PACSIN1: variants seen among roughly 807,000 people sequenced by gnomAD.
The protein encoded by PACSIN1 is protein kinase C and casein kinase substrate in neurons 1, also known as protein kinase C and casein kinase substrate in neurons protein 1.
A neutral mutation model predicts 59.5 loss-of-function variants in PACSIN1; 15 were observed. The ratio of observed to expected loss-of-function variants is 0.25; its 90% CI spans 0.17 to 0.39. PACSIN1 has a LOEUF of 0.39. PACSIN1 is among the 10% of genes least tolerant of loss of function. The probability of loss-of-function intolerance (pLI) is 1.00; values close to 1 mark genes in which losing one functional copy is unlikely to be tolerated. For synonymous variants in PACSIN1, 210 were observed against 220.6 expected, an observed-to-expected ratio of 0.95 and a Z score of 0.42; for missense variants, 420 against 580.2, an observed-to-expected ratio of 0.72 and a Z score of 2.84.
At chr6:34,502,434 A>G (rs1197258440) in intron 1 of PACSIN1, among the ~76,000 whole-genome samples, 1 of 148,914 alleles carries the variant, frequency 6.7e-6, no homozygotes, top group Non-Finnish European at 1.5e-5. Flanking sequence ...CCAGCTGAGG[A>G]TAAGTCATGT....
chr6:34,522,393 A>C (rs1767409413), intron 1 of PACSIN1, among the ~76,000 whole-genome samples: 1 of 152,248 alleles, frequency 6.6e-6, no homozygotes, highest in African/African-American at 2.4e-5. Context: ...AGTGATAGCC[A>C]ATGTTAATGT....
At chr6:34,480,627 C>A (rs1330014340) in intron 1 of PACSIN1, among the ~76,000 whole-genome samples, 3 of 151,530 alleles carry the variant, frequency 2.0e-5, no homozygotes, top group Admixed American at 2.0e-4. Context: ...TTTGTGTCTA[C>A]TGTGAAAAGT....
intron 3 of PACSIN1, among the ~76,000 whole-genome samples, chr6:34,528,026 C>T (rs1397840149): frequency 6.6e-6 from 1 of 152,238 alleles, no homozygotes; most frequent in Admixed American, 6.5e-5. Flanking sequence ...CGCACATTGC[C>T]TCTATGCATT....
At position 34,516,413 on chromosome 6, in the gene PACSIN1, T is replaced by C. The variant is rs756142625; in HGVS notation, c.-63-9830T>C. ...GGGGATGGCAGAAACGGGATGCAGA[T>C]TCGCCTGTGCGCACTGACACTGCCT... On this transcript the variant is annotated intron_variant, in intron 1 of 9. Transcript: ENST00000244458. This position sits in a 1 kb window ranked among gnomAD's most constrained non-coding sequence, Gnocchi z 5.4. 2.0e-5 allele frequency among the ~76,000 whole-genome samples: 3 copies of C among 152,172 alleles called. No individual in the cohort carries two copies. The highest frequency in any genetic ancestry group is 4.4e-5 in the Non-Finnish European group (3 of 68,014).
chr6:34,526,779 G>T (rs1005627284), intron 2 of PACSIN1, among the ~76,000 whole-genome samples: 1 of 152,228 alleles, frequency 6.6e-6, no homozygotes, highest in African/African-American at 2.4e-5. Context: ...GGGCCGCAGA[G>T]CGGGAGGCAC....
intron 1 of PACSIN1, among the ~76,000 whole-genome samples, chr6:34,499,934 T>C (rs1295201393): frequency 6.6e-6 from 1 of 152,172 alleles, no homozygotes; most frequent in African/African-American, 2.4e-5. Flanking sequence ...AATTTAAAAC[T>C]TTTGTACATC....
intron 1 of PACSIN1, among the ~76,000 whole-genome samples, chr6:34,505,507 G>A (rs534967364): frequency 5.4e-4 from 78 of 145,096 alleles, no homozygotes; most frequent in Non-Finnish European, 8.7e-4. Flanking sequence ...ACAGGTTCCT[G>A]AGGTTCTGTC....
At chr6:34,504,355 G>A (rs1291522323) in intron 1 of PACSIN1, among the ~76,000 whole-genome samples, 3 of 148,858 alleles carry the variant, frequency 2.0e-5, no homozygotes, top group South Asian at 4.2e-4. Flanking sequence ...GCAGTGGTGC[G>A]ATCTAGGCTC....
chr6:34,531,340 C>T lies in PACSIN1; in HGVS notation c.1038-260C>T, dbSNP rs142784358. Among the ~76,000 whole-genome samples, 99 of 152,322 alleles carry T rather than the reference C, an allele frequency of 6.5e-4. No homozygotes were observed. Among genetic ancestry groups the T allele is most frequent in the African/African-American group, 2.2e-3 (91 of 41,558 alleles). On this transcript the variant is annotated intron_variant, in intron 8 of 9. Coordinates refer to ENST00000244458, the MANE Select transcript of PACSIN1 (RefSeq NM_020804.5). The surrounding 1 kb of genome is among the most constrained non-coding windows in gnomAD (Gnocchi z 4.4). ...CCTTGCTCTTAAACATTAGGTGGTACTCCTCCTCCCGGATGAAGGCTCAGA... is the reference window on the plus strand; with the variant it reads ...CCTTGCTCTTAAACATTAGGTGGTATTCCTCCTCCCGGATGAAGGCTCAGA...
At chr6:34,528,918 C>T (rs761691957) in intron 4 of PACSIN1, 41 bp downstream of exon 4, 10 of 1,364,458 alleles carry the variant, frequency 7.3e-6, no homozygotes, top group African/African-American at 4.3e-5. Flanking sequence ...GGGGTGGGCC[C>T]GTCTGATCAG....
chr6:34,487,507 G>T (rs559693808), intron 1 of PACSIN1, among the ~76,000 whole-genome samples: 2 of 152,298 alleles, frequency 1.3e-5, no homozygotes, highest in South Asian at 4.1e-4. Context: ...AATACTCTGA[G>T]CTGAAGGTTT....
chr6:34,476,819 T>G (rs377414610), intron 1 of PACSIN1, among the ~76,000 whole-genome samples: 6 of 152,290 alleles, frequency 3.9e-5, no homozygotes, highest in African/African-American at 1.4e-4. Context: ...GACTTCCTAC[T>G]TTCCTGCCAA....
chr6:34,478,073 T>C (rs1766663423), intron 1 of PACSIN1, among the ~76,000 whole-genome samples: 1 of 149,244 alleles, frequency 6.7e-6, no homozygotes, highest in Non-Finnish European at 1.5e-5. Context: ...TTTTTTTTTT[T>C]TTTTGAGACA....
At position 34,525,991 on chromosome 6, in the gene PACSIN1, G is replaced by A. The variant is rs910928962; in HGVS notation, c.-63-252G>A. Among the ~76,000 whole-genome samples, 7 of 152,060 alleles carry A rather than the reference G, an allele frequency of 4.6e-5. No individual in the cohort carries two copies. The highest frequency in any genetic ancestry group is 1.3e-4 in the Admixed American group (2 of 15,280). ...TGGGGGCTGGGGCTGGCTTCTGAAC[G>A]GAGGTGCTCATACTGGATAGAGGAT... On this transcript the variant is annotated intron_variant, in intron 1 of 9. Coordinates refer to ENST00000244458, the MANE Select transcript of PACSIN1 (RefSeq NM_020804.5). This position sits in a 1 kb window ranked among gnomAD's most constrained non-coding sequence, Gnocchi z 4.9.
chr6:34,486,441 G>A (rs1301270481), intron 1 of PACSIN1, among the ~76,000 whole-genome samples: 6 of 152,094 alleles, frequency 3.9e-5, no homozygotes, highest in Non-Finnish European at 5.9e-5. Context: ...AGGTTTGAAC[G>A]GGGCCTGGAG....
At chr6:34,471,354 T>C (rs1002743793) in intron 1 of PACSIN1, among the ~76,000 whole-genome samples, 2 of 152,216 alleles carry the variant, frequency 1.3e-5, no homozygotes, top group African/African-American at 2.4e-5. Flanking sequence ...AATCAATAGA[T>C]ACTTGTTTGA....
Position 34,532,296 on chromosome 6 carries a change from G to C in PACSIN1, c.1226-125G>C, listed in dbSNP as rs1671679396. 7 of 662,552 alleles carry C rather than the reference G, an allele frequency of 1.1e-5. No individual in the cohort carries two copies. In the Middle Eastern group the frequency reaches 2.1e-3, roughly 195 times the overall value. The allele number at this position is 662,552 out of a possible 1,614,324, so 41.0% of individuals were successfully genotyped here. ...GACTGGGGCTGGTTTCCAGGGGCGG[G>C]GCCTAAGAATCTAAAACCCAGTGCA... On this transcript the variant is annotated intron_variant, in intron 9 of 9. Coordinates refer to ENST00000244458, the MANE Select transcript of PACSIN1 (RefSeq NM_020804.5). The surrounding 1 kb of genome is among the most constrained non-coding windows in gnomAD (Gnocchi z 5.2).
chr6:34,522,855 C>T (rs1157459400), intron 1 of PACSIN1, among the ~76,000 whole-genome samples: 1 of 152,200 alleles, frequency 6.6e-6, no homozygotes, highest in Non-Finnish European at 1.5e-5. Flanking sequence ...AGGAGAAGAG[C>T]GTCAGCTCCA....
In PACSIN1 at chr6:34,499,643, A is replaced by G. The variant is rs1482028430; in HGVS notation, c.-63-26600A>G. On this transcript the variant is annotated intron_variant, in intron 1 of 9. Transcript: ENST00000244458. ...ACCCCATCCCTACTAAAAATACAAA[A>G]AAATTATGCAGGCATGGTGACGGGC... Among the ~76,000 whole-genome samples, 4 of 151,934 alleles carry G rather than the reference A, an allele frequency of 2.6e-5. No homozygotes were observed. In the East Asian group the frequency reaches 5.8e-4, roughly 22 times the overall value.
Sources: gnomAD v4.1 joint callset for allele counts (sites outside exome capture counted in the v4.1 genomes callset) on GRCh38, gnomAD v4.1.1 for gene constraint, Gnocchi (gnomAD v3.1) non-coding constraint, MANE v1.5 for transcripts, NCBI Gene and HGNC (gene_info 2026-07-23, HGNC 2026-07-21) for gene names.